The following COA1 variants were observed in gnomAD, a reference collection of about 807,000 sequenced individuals.
The protein encoded by COA1 is cytochrome c oxidase assembly factor 1 homolog.
In COA1, 13 loss-of-function variants were observed where a neutral mutation model predicts 16.0. The ratio of observed to expected loss-of-function variants is 0.81; its 90% CI spans 0.53 to 1.29. The LOEUF (loss-of-function observed/expected upper bound fraction) is 1.29, where lower values mean the gene tolerates loss of function less well. COA1 is among the 50% of genes most tolerant of loss of function. COA1 has a pLI of 0.00. For synonymous variants in COA1, 65 were observed against 65.7 expected, an observed-to-expected ratio of 0.99 and a Z score of 0.05; for missense variants, 179 against 177.0, an observed-to-expected ratio of 1.01 and a Z score of -0.06.
In COA1 at chr7:43,708,196, T is replaced by C. The variant is rs1048817307; in HGVS notation, c.-39+21233A>G. Among the ~76,000 whole-genome samples, 10 of 151,990 alleles carry C rather than the reference T, an allele frequency of 6.6e-5. No homozygotes were observed. In the South Asian group the frequency reaches 1.7e-3, roughly 25 times the overall value. ...TTCAGCCTGGGCAACAGAGCAACACTCCGTCTCAAAAAAAAAGTCCTAACA... is the reference window on the plus strand; with the variant it reads ...TTCAGCCTGGGCAACAGAGCAACACCCCGTCTCAAAAAAAAAGTCCTAACA... On this transcript the variant is annotated intron_variant, in intron 1 of 5. Coordinates refer to ENST00000223336, the MANE Select transcript of COA1 (RefSeq NM_018224.4).
At chr7:43,634,788 G>A (rs1277635100), downstream of COA1, among the ~76,000 whole-genome samples, 1 of 152,184 alleles carries the variant, frequency 6.6e-6, no homozygotes, top group African/African-American at 2.4e-5. Flanking sequence ...GCCCTGTCCT[G>A]ATCCTTTGGC....
chr7:43,725,324 C>T (rs2095593998), intron 1 of COA1, among the ~76,000 whole-genome samples: 1 of 151,932 alleles, frequency 6.6e-6, no homozygotes, highest in Admixed American at 6.6e-5. Flanking sequence ...CTTAATGGCA[C>T]TGAACTGTAT....
chr7:43,687,827 T>C (rs1442607299), intron 1 of COA1, among the ~76,000 whole-genome samples: 1 of 152,168 alleles, frequency 6.6e-6, no homozygotes, highest in African/African-American at 2.4e-5. Context: ...AAACCTGTAC[T>C]TCCATTAACA....
chr7:43,704,846 A>AAG (rs1289468056), intron 1 of COA1, among the ~76,000 whole-genome samples: 4 of 152,174 alleles, frequency 2.6e-5, no homozygotes, highest in Non-Finnish European at 5.9e-5. Flanking sequence ...CTGGGGAGCT[A>AAG]GTGCAGTCGT....
At chr7:43,702,149 G>GCCTATGTCCAGAATGTTGGA (rs1476450471) in intron 1 of COA1, among the ~76,000 whole-genome samples, 3 of 152,058 alleles carry the variant, frequency 2.0e-5, no homozygotes, top group Admixed American at 2.0e-4. Flanking sequence ...CTTTGCCAAG[G>GCCTATGTCCAGAATGTTGGA]CCTATGTCCA....
chr7:43,651,142 T>A (rs145405113), intron 1 of COA1, among the ~76,000 whole-genome samples: 374 of 152,342 alleles, frequency 2.5e-3, no homozygotes, highest in African/African-American at 8.0e-3. Flanking sequence ...GAATATTACC[T>A]CTTAGAACTA....
intron 1 of COA1, among the ~76,000 whole-genome samples, chr7:43,685,423 C>T (rs1009759105): frequency 2.0e-5 from 3 of 152,184 alleles, no homozygotes; most frequent in Non-Finnish European, 4.4e-5. Flanking sequence ...ACATGCTTTA[C>T]ATATATATCA....
At chr7:43,655,494 A>ATGT (rs1486144284) in intron 1 of COA1, among the ~76,000 whole-genome samples, 3 of 152,140 alleles carry the variant, frequency 2.0e-5, no homozygotes, top group African/African-American at 7.2e-5. Flanking sequence ...TCTACTAAAA[A>ATGT]TATAACATCA....
At chr7:43,678,043 G>A (rs1248527202) in intron 1 of COA1, among the ~76,000 whole-genome samples, 2 of 152,112 alleles carry the variant, frequency 1.3e-5, no homozygotes. Context: ...GAGGATTCAG[G>A]TAGCACATGT....
rs963621045 is a variant in COA1, at chr7:43,664,128, A to AGAGAGAGAGAGAGAGAGAGAGAGAGAGG, written c.-38-15477_-38-15476insCCTCTCTCTCTCTCTCTCTCTCTCTCTC. On this transcript the variant is annotated intron_variant, in intron 1 of 5. Coordinates refer to ENST00000223336, the MANE Select transcript of COA1 (RefSeq NM_018224.4). Reference sequence around the variant, plus strand: ...AAGAGAGAGAGAGAGAGAGAGAGAGAGAGTCTTGCTATATTGCCCAGGCTG... The same window carrying AGAGAGAGAGAGAGAGAGAGAGAGAGAGG: ...AAGAGAGAGAGAGAGAGAGAGAGAGAGAGAGAGAGAGAGAGAGAGAGAGAGAGGGAGTCTTGCTATATTGCCCAGGCTG... 2.7e-5 allele frequency among the ~76,000 whole-genome samples: 4 copies of AGAGAGAGAGAGAGAGAGAGAGAGAGAGG among 148,046 alleles called. No individual in the cohort carries two copies. The East Asian group carries it at 5.8e-4, about 21-fold the overall frequency.
chr7:43,696,242 G>A lies in COA1; in HGVS notation c.-39+33187C>T, dbSNP rs115584011. 2.6e-3 allele frequency among the ~76,000 whole-genome samples: 402 copies of A among 152,336 alleles called. 3 individuals are homozygous for A. Among genetic ancestry groups the A allele is most frequent in the African/African-American group, 9.2e-3 (383 of 41,580 alleles). ...AAAGAGGCAAAGAGAAAATGAACCA[G>A]CAGGGGAAATGCCAGATGCTTATAA... On this transcript the variant is annotated intron_variant, in intron 1 of 5. Coordinates refer to ENST00000223336, the MANE Select transcript of COA1 (RefSeq NM_018224.4).
intron 2 of COA1, chr7:43,648,287 G>T: frequency 2.1e-6 from 1 of 475,376 alleles, no homozygotes; most frequent in Non-Finnish European, 3.8e-6. Flanking sequence ...AACGGTCAGA[G>T]CATCTCTGAA....
chr7:43,691,252 A>AAAAG (rs1472363821), intron 1 of COA1, among the ~76,000 whole-genome samples: 2,524 of 65,174 alleles, frequency 0.039, 128 homozygotes, highest in Non-Finnish European at 0.049. Context: ...TTGACTCAAA[A>AAAAG]AAAGAAAGAA....
At chr7:43,703,816 G>T (rs1024390489) in intron 1 of COA1, among the ~76,000 whole-genome samples, 10 of 152,114 alleles carry the variant, frequency 6.6e-5, no homozygotes, top group Admixed American at 6.6e-5. Context: ...ACTCTTTTAA[G>T]TAGGTCATTT....
intron 1 of COA1, among the ~76,000 whole-genome samples, chr7:43,667,102 T>A (rs756369692): frequency 2.6e-5 from 4 of 152,240 alleles, no homozygotes; most frequent in Non-Finnish European, 5.9e-5. Context: ...AGGGTAAACT[T>A]TGGCTTTGAA....
At position 43,640,664 on chromosome 7, in the gene COA1, T is replaced by C. The variant is rs756948404; in HGVS notation, c.265-15A>G. ...GGAATCTTCAACTGTGGGTGTAAAA[T>C]GACAGAAAGGAGAGATGTAATTGGA... On this transcript the variant is annotated splice_polypyrimidine_tract_variant and intron_variant, in intron 4 of 5. Transcript: ENST00000223336. The C allele has an allele frequency of 2.6e-6, 4 of 1,561,882 alleles. No individual in the cohort carries two copies. In the Admixed American group the frequency reaches 7.5e-5, roughly 29 times the overall value.
Position 43,669,339 on chromosome 7 carries a change from C to T in COA1, c.-38-20687G>A, listed in dbSNP as rs79948741. Among the ~76,000 whole-genome samples, 304 of 152,208 alleles carry T rather than the reference C, an allele frequency of 2.0e-3. 1 individual carries two copies. Among genetic ancestry groups the T allele is most frequent in the African/African-American group, 7.0e-3 (290 of 41,522 alleles). ...TCTAGCAAACCCCAGCTCTTAGAGC[C>T]GAGTCAGCAACCTTTGATATGCAAA... is the stretch of plus-strand genomic sequence containing the variant. On this transcript the variant is annotated intron_variant, in intron 1 of 5. Transcript: ENST00000223336.
chr7:43,706,415 G>A (rs2094977464), intron 1 of COA1, among the ~76,000 whole-genome samples: 1 of 152,040 alleles, frequency 6.6e-6, no homozygotes, highest in African/African-American at 2.4e-5. Flanking sequence ...AGACATGGTG[G>A]CACACACCTG....
chr7:43,693,917 C>G (rs921462071), intron 1 of COA1, among the ~76,000 whole-genome samples: 4 of 151,956 alleles, frequency 2.6e-5, no homozygotes, highest in Non-Finnish European at 5.9e-5. Context: ...AATCACACAC[C>G]ATTTTAGTCT....
Sources: allele counts gnomAD v4.1 joint callset (sites outside exome capture counted in the v4.1 genomes callset), GRCh38; gene constraint gnomAD v4.1.1; transcripts MANE v1.5; gene names NCBI Gene and HGNC (gene_info 2026-07-23, HGNC 2026-07-21).